KIAA0930: variants seen among roughly 807,000 people sequenced by gnomAD.
The protein encoded by KIAA0930 is KIAA0930.
A neutral mutation model predicts 43.9 loss-of-function variants in KIAA0930; 24 were observed. That is an observed-to-expected ratio of 0.55 (90% CI 0.40 to 0.77). The LOEUF is 0.77. Ranked by LOEUF, KIAA0930 falls within the 30% of genes least tolerant of loss-of-function variation. The pLI, the probability that KIAA0930 is intolerant of heterozygous loss-of-function variation, is 0.00. For synonymous variants in KIAA0930, 259 were observed against 216.4 expected, an observed-to-expected ratio of 1.20 and a Z score of -1.73; for missense variants, 461 against 574.2, an observed-to-expected ratio of 0.80 and a Z score of 2.02.
intron 9 of KIAA0930, 50 bp downstream of exon 9, chr22:45,197,740 G>A (rs755520918): frequency 2.0e-5 from 32 of 1,601,090 alleles, no homozygotes; most frequent in Non-Finnish European, 2.7e-5. Flanking sequence ...CCTGGAGGCA[G>A]AGCTGGCTGT....
chr22:45,224,969 G>A (rs2083789781), intron 1 of KIAA0930, among the ~76,000 whole-genome samples: 1 of 152,100 alleles, frequency 6.6e-6, no homozygotes, highest in African/African-American at 2.4e-5. Context: ...TGCAGATGCT[G>A]GGTGCCTGTC....
chr22:45,220,600 G>A (rs566933787), intron 1 of KIAA0930, among the ~76,000 whole-genome samples: 2 of 152,054 alleles, frequency 1.3e-5, no homozygotes, highest in South Asian at 4.2e-4. Context: ...ATTTTATGTT[G>A]GGACAGGGTC....
intron 2 of KIAA0930, among the ~76,000 whole-genome samples, chr22:45,209,291 A>T (rs1305690302): frequency 2.0e-5 from 3 of 150,254 alleles, no homozygotes; most frequent in East Asian, 3.9e-4. Context: ...CGGGTCCCCC[A>T]CCTCCACCGA....
At position 45,202,533 on chromosome 22, in the gene KIAA0930, CTCAGTCACCATCATCCCCA is replaced by C. The variant is rs1372548096; in HGVS notation, c.852+438_852+456del. ...AGGCCTCTGCATGCGCTGGCTGACC[CTCAGTCACCATCATCCCCA>C]TCTGACTCACCGGGGAAGGCCGGCC... On this transcript the variant is annotated intron_variant, in intron 7 of 9. Coordinates refer to ENST00000336156, the MANE Select transcript of KIAA0930 (RefSeq NM_001009880.2). The C allele has an allele frequency of 1.9e-5, 3 of 156,474 alleles. No homozygotes were observed. In the South Asian group the frequency reaches 6.0e-4, roughly 31 times the overall value. 9.7% of individuals were successfully genotyped at this position (156,474 alleles called of 1,614,324 possible). A position where few individuals can be genotyped will look rare whatever the true frequency, so the allele number is the denominator to read the frequency against.
At chr22:45,229,961 T>C (rs2083841941) in intron 1 of KIAA0930, among the ~76,000 whole-genome samples, 1 of 152,102 alleles carries the variant, frequency 6.6e-6, no homozygotes, top group Admixed American at 6.5e-5. Flanking sequence ...CCAGGCATGG[T>C]GGCAGGCACC....
chr22:45,232,422 T>A (rs2083859625), intron 1 of KIAA0930, among the ~76,000 whole-genome samples: 1 of 152,226 alleles, frequency 6.6e-6, no homozygotes, highest in African/African-American at 2.4e-5. Context: ...CTCTGCCTGT[T>A]GTTCACCTGC....
At chr22:45,232,890 T>G (rs1409331077) in intron 1 of KIAA0930, among the ~76,000 whole-genome samples, 1 of 152,074 alleles carries the variant, frequency 6.6e-6, no homozygotes, top group African/African-American at 2.4e-5. Flanking sequence ...CGGCTTTGAC[T>G]CAGGGGCACA....
chr22:45,227,277 T>G (rs1257954751), intron 1 of KIAA0930, among the ~76,000 whole-genome samples: 1 of 152,142 alleles, frequency 6.6e-6, no homozygotes. Flanking sequence ...CTCGATCTCA[T>G]GCTCTCCGCA....
rs562274976 is a variant in KIAA0930 at position 45,196,833 on chromosome 22, C to T, written c.*343G>A. On this transcript the variant is annotated 3_prime_UTR_variant, in exon 10 of 10. Coordinates refer to ENST00000336156, the MANE Select transcript of KIAA0930 (RefSeq NM_001009880.2). This position sits in a 1 kb window ranked among gnomAD's most constrained non-coding sequence, Gnocchi z 4.1. Reference sequence around the variant, plus strand: ...TGGGGGGACGTGAACATAGACCCGCCGCTCTGGCCCCGCTCTGGGCATCAG... The same window carrying T: ...TGGGGGGACGTGAACATAGACCCGCTGCTCTGGCCCCGCTCTGGGCATCAG... The T allele has an allele frequency of 3.5e-5, 10 of 288,466 alleles. No homozygotes were observed. The South Asian group carries it at 8.5e-4, about 24-fold the overall frequency. The allele number at this position is 288,466 out of a possible 1,614,324, so 17.9% of individuals were successfully genotyped here. A position where few individuals can be genotyped will look rare whatever the true frequency, so the allele number is the denominator to read the frequency against.
intron 1 of KIAA0930, among the ~76,000 whole-genome samples, chr22:45,222,469 C>T (rs2083773084): frequency 1.3e-5 from 2 of 151,866 alleles, no homozygotes; most frequent in Non-Finnish European, 2.9e-5. Context: ...GCCACCACAC[C>T]TGGCTACTTT....
rs189491726 is a variant in KIAA0930 at position 45,225,137 on chromosome 22, G to A, written c.65-13030C>T. On this transcript the variant is annotated intron_variant, in intron 1 of 9. Coordinates refer to ENST00000336156, the MANE Select transcript of KIAA0930 (RefSeq NM_001009880.2). ...GGCCCTTGGCCCTCTGTAAGCCTCC[G>A]CACCCAGGCAGCCAGGGCTGGCTGA... is the stretch of plus-strand genomic sequence containing the variant. Among the ~76,000 whole-genome samples, 7 of 152,126 alleles carry A rather than the reference G, an allele frequency of 4.6e-5. No individual in the cohort carries two copies. The East Asian group carries it at 5.8e-4, about 13-fold the overall frequency.
intron 7 of KIAA0930, chr22:45,200,842 C>G (rs1204269218): frequency 4.3e-6 from 2 of 468,416 alleles, no homozygotes; most frequent in African/African-American, 4.0e-5. Context: ...AAGAGAAGCA[C>G]AGGATACATG....
At chr22:45,237,886 C>T (rs2083896382) in intron 1 of KIAA0930, among the ~76,000 whole-genome samples, 1 of 151,958 alleles carries the variant, frequency 6.6e-6, no homozygotes, top group South Asian at 2.1e-4. Flanking sequence ...AAGCTCACCC[C>T]TCGCTGAACA....
At chr22:45,213,784 T>G (rs913030738) in intron 1 of KIAA0930, among the ~76,000 whole-genome samples, 10 of 152,008 alleles carry the variant, frequency 6.6e-5, no homozygotes, top group African/African-American at 1.9e-4. Context: ...CTGGGGTGGG[T>G]GGATCACCTG....
rs774712003 is a variant in KIAA0930, at chr22:45,200,050, C to T, written c.853-15G>A. 1.5e-5 allele frequency: 24 copies of T among 1,582,458 alleles called. No homozygotes were observed. In the Admixed American group the frequency reaches 4.1e-4, roughly 27 times the overall value. ...AAGGAGGTCACCTGGGAACAAGCAG[C>T]CAAAGTCACCAGAGTAGCAGAACAG... On this transcript the variant is annotated splice_polypyrimidine_tract_variant and intron_variant, in intron 7 of 9. Coordinates refer to ENST00000336156, the MANE Select transcript of KIAA0930 (RefSeq NM_001009880.2).
At position 45,197,857 on chromosome 22, in the gene KIAA0930, T is replaced by A. The variant is rs1235297208; in HGVS notation, c.1107A>T (p.Ala369=). The stretch of plus-strand genomic sequence containing the variant: ...GTGCATAGAGAAGGAAGTTTCCATC[T>A]GCTCTGTTCAGCTTCAGCCAGGACC... ...LVGSWLKLNR[A]DGNFLLYAHL... is the part of the protein sequence containing the mutation. The change falls in exon 9 of 10, where the codon GCA becomes GCT. Residue 369 remains alanine (A), a synonymous_variant. Transcript: ENST00000336156. The A allele has an allele frequency of 1.9e-6, 3 of 1,614,226 alleles. No homozygotes were observed. The East Asian group carries it at 6.7e-5, about 36-fold the overall frequency.
intron 2 of KIAA0930, among the ~76,000 whole-genome samples, chr22:45,208,489 G>A (rs796650606): frequency 8.2e-3 from 788 of 95,598 alleles, no homozygotes; most frequent in East Asian, 0.012. Flanking sequence ...GACTCCACAC[G>A]CACGAGCTGT....
chr22:45,234,844 G>A (rs1057265777), intron 1 of KIAA0930, among the ~76,000 whole-genome samples: 3 of 152,156 alleles, frequency 2.0e-5, no homozygotes, highest in Admixed American at 6.5e-5. Context: ...GAAAAAGCGT[G>A]ATTAAGAAAC....
chr22:45,235,710 G>T (rs891441011), intron 1 of KIAA0930, among the ~76,000 whole-genome samples: 1 of 152,218 alleles, frequency 6.6e-6, no homozygotes, highest in South Asian at 2.1e-4. Context: ...GATTTGTGCT[G>T]AGCCTGTACC....
Sources: gnomAD v4.1 joint callset for allele counts (sites outside exome capture counted in the v4.1 genomes callset) on GRCh38, gnomAD v4.1.1 for gene constraint, Gnocchi (gnomAD v3.1) non-coding constraint, MANE v1.5 for transcripts, NCBI Gene and HGNC (gene_info 2026-07-23, HGNC 2026-07-21) for gene names.